The following SLC12A9 variants were observed in gnomAD, a reference collection of about 807,000 sequenced individuals.
SLC12A9 encodes solute carrier family 12 member 9.
A neutral mutation model predicts 66.0 loss-of-function variants in SLC12A9; 55 were observed. The observed-to-expected ratio is 0.83, with a 90% confidence interval of 0.67 to 1.04. The LOEUF (loss-of-function observed/expected upper bound fraction) is 1.04, where lower values mean the gene tolerates loss of function less well. SLC12A9 is among the 50% of genes least tolerant of loss of function. The pLI, the probability that SLC12A9 is intolerant of heterozygous loss-of-function variation, is 0.00. For missense variants in SLC12A9, 1,061 were observed against 1,241.9 expected (o/e 0.85, Z 2.19); for synonymous variants, 577 against 569.0 (o/e 1.01, Z -0.20).
intron 1 of SLC12A9, among the ~76,000 whole-genome samples, chr7:100,830,790 G>A (rs1420916972): frequency 6.6e-6 from 1 of 151,966 alleles, no homozygotes; most frequent in African/African-American, 2.4e-5. Flanking sequence ...AAAATCCCAT[G>A]ATTTCCCCTT....
chr7:100,861,705 C>G lies in SLC12A9; in HGVS notation c.1537-32C>G, dbSNP rs768628182. On this transcript the variant is annotated intron_variant, in intron 11 of 13. Transcript: ENST00000354161. The surrounding 1 kb of genome is among the most constrained non-coding windows in gnomAD (Gnocchi z 5.3). ...GAACGGGGCTGTGCATTTGATCCTGCCACTTCCCCACTGCCTCACCCCTAT... is the reference window on the plus strand; with the variant it reads ...GAACGGGGCTGTGCATTTGATCCTGGCACTTCCCCACTGCCTCACCCCTAT... 1.9e-6 allele frequency: 3 copies of G among 1,613,464 alleles called. No individual in the cohort carries two copies. Among genetic ancestry groups the G allele is most frequent in the Non-Finnish European group, 2.5e-6 (3 of 1,179,538 alleles).
intron 1 of SLC12A9, among the ~76,000 whole-genome samples, chr7:100,829,900 C>A (rs1364534877): frequency 6.6e-6 from 1 of 151,702 alleles, no homozygotes; most frequent in African/African-American, 2.4e-5. Flanking sequence ...TCATGGCACA[C>A]ACCTGTAGTC....
intron 1 of SLC12A9, among the ~76,000 whole-genome samples, chr7:100,828,426 C>G (rs1268205153): frequency 1.3e-5 from 2 of 151,882 alleles, no homozygotes; most frequent in African/African-American, 2.4e-5. Context: ...GTAATCCTAG[C>G]TACTCGGGAG....
chr7:100,837,711 T>C (rs1481771066), intron 1 of SLC12A9: 2 of 152,242 alleles, frequency 1.3e-5, no homozygotes, highest in Non-Finnish European at 2.9e-5. Flanking sequence ...CTAGGCTGAG[T>C]GCATGGGCAA....
At position 100,855,738 on chromosome 7, in the gene SLC12A9, G is replaced by A. The variant is rs750055983; in HGVS notation, c.349G>A (p.Gly117Arg). ...MISRTLGPEV[G>R]GSIGLMFYLA... ...CAGCCGCACACTGGGGCCCGAGGTC[G>A]GGGGCAGCATTGGGCTCATGTTCTA... The change falls in exon 4 of 14, where the codon GGG (glycine) becomes AGG (arginine). Residue 117 changes from glycine to arginine, a missense_variant. Transcript: ENST00000354161. The A allele has an allele frequency of 1.9e-6, 3 of 1,613,950 alleles. No individual in the cohort carries two copies. The highest frequency in any genetic ancestry group is 2.2e-5 in the East Asian group (1 of 44,888).
rs972010071 is a variant in SLC12A9 at position 100,861,542 on chromosome 7, C to T, written c.1494C>T (p.Pro498=). Residue 498 remains proline, a synonymous_variant, in exon 11 of 14, where the codon CCC becomes CCT. Transcript: ENST00000354161. This position sits in a 1 kb window ranked among gnomAD's most constrained non-coding sequence, Gnocchi z 5.3. The stretch of plus-strand genomic sequence containing the variant: ...CCCTGCTCACCGCGCGAGGAGGCCC[C>T]AGTAGCTGGGGCTATGTCAGCCAGG... The part of the protein sequence containing the change: ...LAALLTARGG[P]SSWGYVSQAL... The T allele has an allele frequency of 1.2e-6, 2 of 1,613,684 alleles. No homozygotes were observed. The highest frequency in any genetic ancestry group is 2.2e-5 in the East Asian group (1 of 44,892).
upstream of SLC12A9, among the ~76,000 whole-genome samples, chr7:100,850,695 G>C (rs1814045326): frequency 6.6e-6 from 1 of 151,346 alleles, no homozygotes; most frequent in African/African-American, 2.4e-5. Flanking sequence ...CACCATGCCT[G>C]GTTAATTTTC....
intron 1 of SLC12A9, chr7:100,827,078 C>CGAGG: frequency 6.5e-7 from 1 of 1,544,108 alleles, no homozygotes; most frequent in Non-Finnish European, 8.8e-7. Context: ...GGGGGGCCCT[C>CGAGG]GCCCCCCCAG....
At chr7:100,864,078 C>CTTTTTTTTTTTTTTTTTTTTTTTTT (rs10598573) in intron 13 of SLC12A9, among the ~76,000 whole-genome samples, 1 of 102,458 alleles carries the variant, frequency 9.8e-6, no homozygotes. Context: ...CGGTTTTTGC[C>CTTTTTTTTTTTTTTTTTTTTTTTTT]TTTTTTTTTT....
intron 9 of SLC12A9, chr7:100,860,551 C>G: frequency 2.6e-6 from 1 of 389,780 alleles, no homozygotes; most frequent in Admixed American, 4.4e-5. Flanking sequence ...TTGTGGGGTG[C>G]CCCAGCACTT....
chr7:100,859,375 T>C (rs562128569), intron 7 of SLC12A9: 1 of 578,622 alleles, frequency 1.7e-6, no homozygotes, highest in Non-Finnish European at 3.1e-6. Context: ...AGTGGCTTTC[T>C]ACCCAGTTTG....
At chr7:100,864,110 A>T (rs1165396488) in intron 13 of SLC12A9, among the ~76,000 whole-genome samples, 1 of 124,166 alleles carries the variant, frequency 8.1e-6, no homozygotes, top group Non-Finnish European at 1.6e-5. Flanking sequence ...ACAGGGTCTC[A>T]CTCTGTTGCC....
chr7:100,860,597 C>T (rs1814688210), intron 9 of SLC12A9: 2 of 368,132 alleles, frequency 5.4e-6, no homozygotes, highest in Non-Finnish European at 1.0e-5. Context: ...GATGTACCAA[C>T]ACTTTGTGGG....
chr7:100,851,219 CAAG>C (rs1403629338), upstream of SLC12A9, among the ~76,000 whole-genome samples: 1 of 151,996 alleles, frequency 6.6e-6, no homozygotes, highest in Non-Finnish European at 1.5e-5. Context: ...ACTGTTTTAA[CAAG>C]AGTCAGATTT....
upstream of SLC12A9, among the ~76,000 whole-genome samples, chr7:100,849,271 G>A (rs1313842595): frequency 7.2e-5 from 11 of 151,776 alleles, no homozygotes; most frequent in Admixed American, 7.2e-4. Flanking sequence ...TTTAAGTGGG[G>A]TCTTGCTCTG....
At chr7:100,865,251 C>T (rs1427321815) in intron 13 of SLC12A9, 1 of 1,535,624 alleles carries the variant, frequency 6.5e-7, no homozygotes. Context: ...AGCCACGGTG[C>T]CCTGCCTGGT....
intron 1 of SLC12A9, among the ~76,000 whole-genome samples, chr7:100,830,740 T>G (rs150204775): frequency 3.7e-4 from 56 of 152,154 alleles, no homozygotes; most frequent in Middle Eastern, 3.4e-3. Context: ...AAAATTAATA[T>G]AGTTTTATGT....
intron 1 of SLC12A9, among the ~76,000 whole-genome samples, chr7:100,843,163 C>T (rs557646748): frequency 6.6e-6 from 1 of 152,210 alleles, no homozygotes; most frequent in Non-Finnish European, 1.5e-5. Flanking sequence ...GTACTTTAGT[C>T]CAATTGGCTA....
At chr7:100,846,926 G>A (rs185980079) in intron 1 of SLC12A9, among the ~76,000 whole-genome samples, 12 of 152,300 alleles carry the variant, frequency 7.9e-5, no homozygotes, top group African/African-American at 2.2e-4. Context: ...AAAGCACTGT[G>A]AAAATCCCTG....
Sources: allele counts gnomAD v4.1 joint callset (sites outside exome capture counted in the v4.1 genomes callset), GRCh38; gene constraint gnomAD v4.1.1; non-coding constraint Gnocchi (gnomAD v3.1); transcripts MANE v1.5; gene names NCBI Gene and HGNC (gene_info 2026-07-23, HGNC 2026-07-21).